Variants in FOXP1 observed in about 807,000 individuals in gnomAD.
FOXP1 encodes the protein forkhead box P1.
Under a neutral mutation model 98.2 loss-of-function variants are expected in FOXP1, and 15 were observed. That is an observed-to-expected ratio of 0.15 (90% CI 0.10 to 0.24). The LOEUF (loss-of-function observed/expected upper bound fraction) is 0.24. Among genes scored for constraint, FOXP1 ranks in the 10% least tolerant of loss-of-function variants. The pLI is 1.00. For missense variants in FOXP1, 633 were observed against 848.5 expected, an observed-to-expected ratio of 0.75 and a Z score of 3.15; for synonymous variants, 371 against 314.5, an observed-to-expected ratio of 1.18 and a Z score of -1.90.
chr3:71,575,456 TACACAC>T (rs141932734), intron 2 of FOXP1, among the ~76,000 whole-genome samples: 2 of 149,440 alleles, frequency 1.3e-5, no homozygotes, highest in Non-Finnish European at 3.0e-5. Context: ...CACACACACA[TACACAC>T]ACACACACAC....
intron 10 of FOXP1, among the ~76,000 whole-genome samples, chr3:71,043,617 C>T (rs1442168857): frequency 6.6e-6 from 1 of 152,144 alleles, no homozygotes; most frequent in Non-Finnish European, 1.5e-5. Context: ...AAGTCAACAT[C>T]TATTTTTATT....
intron 2 of FOXP1, chr3:71,572,653 T>A (rs1012744966): frequency 6.6e-6 from 1 of 152,128 alleles, no homozygotes; most frequent in African/African-American, 2.4e-5. Context: ...CTACACAAGA[T>A]GAAAACCACC....
chr3:71,128,603 A>G (rs1260561550), intron 6 of FOXP1, among the ~76,000 whole-genome samples: 5 of 152,288 alleles, frequency 3.3e-5, no homozygotes, highest in Admixed American at 6.5e-5. Flanking sequence ...TGAGCTATTC[A>G]TGTTTAGCTT....
intron 5 of FOXP1, among the ~76,000 whole-genome samples, chr3:71,251,037 T>C (rs2068146558): frequency 6.6e-6 from 1 of 152,276 alleles, no homozygotes; most frequent in Admixed American, 6.5e-5. Flanking sequence ...TTATTTTTTA[T>C]AAACACGGTT....
At chr3:71,121,382 G>T (rs13079951) in intron 6 of FOXP1, among the ~76,000 whole-genome samples, 1 of 150,682 alleles carries the variant, frequency 6.6e-6, no homozygotes, top group East Asian at 2.0e-4. Context: ...AAAAAAAAGG[G>T]GGGGGGGATA....
intron 3 of FOXP1, among the ~76,000 whole-genome samples, chr3:71,488,501 C>T (rs1373977282): frequency 6.6e-6 from 1 of 152,136 alleles, no homozygotes; most frequent in Non-Finnish European, 1.5e-5. Flanking sequence ...CTCTCACCAT[C>T]CTGAATTACT....
At chr3:70,974,084 G>C (rs965273833) in intron 17 of FOXP1, among the ~76,000 whole-genome samples, 3 of 152,014 alleles carry the variant, frequency 2.0e-5, no homozygotes, top group Admixed American at 6.6e-5. Flanking sequence ...GAATTCACAG[G>C]ATAAATTCCC....
At chr3:71,109,575 T>C (rs1457156887) in intron 7 of FOXP1, among the ~76,000 whole-genome samples, 1 of 152,166 alleles carries the variant, frequency 6.6e-6, no homozygotes, top group Non-Finnish European at 1.5e-5. Flanking sequence ...CTGTTAAGAT[T>C]TGCTGTAGGA....
At chr3:71,521,768 C>G (rs957751440) in intron 2 of FOXP1, among the ~76,000 whole-genome samples, 2 of 152,168 alleles carry the variant, frequency 1.3e-5, no homozygotes, top group South Asian at 4.1e-4. Context: ...GATCTGGCCA[C>G]ATGAAACTAA....
At chr3:71,012,950 CATT>C (rs2043876460) in intron 12 of FOXP1, among the ~76,000 whole-genome samples, 1 of 152,050 alleles carries the variant, frequency 6.6e-6, no homozygotes, top group African/African-American at 2.4e-5. Context: ...TATCATGTAA[CATT>C]ATATTCAATT....
At chr3:71,190,638 CAAAAAAAAAAAA>C (rs55747148) in intron 6 of FOXP1, among the ~76,000 whole-genome samples, 5 of 43,496 alleles carry the variant, frequency 1.1e-4, no homozygotes, top group Admixed American at 2.9e-4. Flanking sequence ...ACCCCATCTC[CAAAAAAAAAAAA>C]AAAAAAAAAA....
In FOXP1 at chr3:71,348,545, G is replaced by GCA. The variant is rs1267801919; in HGVS notation, c.-73+10604_-73+10605insTG. Among the ~76,000 whole-genome samples the GCA allele has an allele frequency of 1.5e-3, 193 of 129,028 alleles. 3 individuals are homozygous for GCA. The highest frequency in any genetic ancestry group is 0.014 in the East Asian group (69 of 4,910). 84.6% of individuals were successfully genotyped at this position (129,028 alleles called of 152,430 possible). A position where few individuals can be genotyped will look rare whatever the true frequency, so the allele number is the denominator to read the frequency against. ...TGCGTGTGTGTGTGTGTGTGTGTGT[G>GCA]TGTGCGTGCGCGCGCGCACGCATAT... On this transcript the variant is annotated intron_variant, in intron 4 of 20. Coordinates refer to ENST00000649528, the MANE Select transcript of FOXP1 (RefSeq NM_001349338.3).
intron 4 of FOXP1, among the ~76,000 whole-genome samples, chr3:71,341,538 G>T (rs999021403): frequency 6.6e-6 from 1 of 152,090 alleles, no homozygotes; most frequent in Non-Finnish European, 1.5e-5. Context: ...GGAGGCAGAG[G>T]CGGGTGGATC....
chr3:71,545,141 C>T (rs553059463), intron 2 of FOXP1, among the ~76,000 whole-genome samples: 105 of 151,970 alleles, frequency 6.9e-4, no homozygotes, highest in Middle Eastern at 3.4e-3. Flanking sequence ...CATGTACATG[C>T]GCGCATATGC....
intron 4 of FOXP1, among the ~76,000 whole-genome samples, chr3:71,320,623 A>C (rs536890949): frequency 6.6e-6 from 1 of 152,272 alleles, no homozygotes; most frequent in Admixed American, 6.5e-5. Flanking sequence ...CCATTTTATT[A>C]TAATGGTCTA....
chr3:71,088,393 G>GTTTTGT (rs1553730902), intron 7 of FOXP1, among the ~76,000 whole-genome samples: 3 of 120,146 alleles, frequency 2.5e-5, no homozygotes, highest in Admixed American at 8.0e-5. Flanking sequence ...ACATTGTTTT[G>GTTTTGT]TTTTTTGTTT....
chr3:71,130,918 T>C (rs1172554192), intron 6 of FOXP1: 1 of 1,343,984 alleles, frequency 7.4e-7, no homozygotes, highest in Non-Finnish European at 9.5e-7. Flanking sequence ...GCACACGCAG[T>C]GCGCCCTGGC....
At chr3:71,521,256 G>A (rs1167168725) in intron 2 of FOXP1, among the ~76,000 whole-genome samples, 1 of 152,202 alleles carries the variant, frequency 6.6e-6, no homozygotes, top group African/African-American at 2.4e-5. Context: ...AGGAGGCCGG[G>A]CGTGGTGGCT....
At chr3:71,135,479 G>GGTGA (rs2059781630) in intron 6 of FOXP1, among the ~76,000 whole-genome samples, 1 of 152,058 alleles carries the variant, frequency 6.6e-6, no homozygotes, top group Non-Finnish European at 1.5e-5. Flanking sequence ...AGTTCTAAGC[G>GGTGA]GTGAGTGCCT....
Sources: allele counts gnomAD v4.1 joint callset (sites outside exome capture counted in the v4.1 genomes callset), GRCh38; gene constraint gnomAD v4.1.1; transcripts MANE v1.5; gene names NCBI Gene and HGNC (gene_info 2026-07-23, HGNC 2026-07-21).